Variants in ALDH1L2 observed in about 807,000 individuals in gnomAD.
ALDH1L2 encodes aldehyde dehydrogenase 1 family member L2, also known as mitochondrial 10-formyltetrahydrofolate dehydrogenase.
ALDH1L2 carries 91 observed loss-of-function variants against 111.0 expected under a neutral mutation model. The observed-to-expected ratio is 0.82, with a 90% CI of 0.69 to 0.98. ALDH1L2 has a LOEUF of 0.98. ALDH1L2 is among the 50% of genes least tolerant of loss of function. ALDH1L2 has a pLI of 0.00. For synonymous variants in ALDH1L2, 374 were observed against 392.6 expected (o/e 0.95, Z 0.56); for missense variants, 995 against 1,126.8 (o/e 0.88, Z 1.67).
chr12:105,034,808 A>G (rs752430910), intron 18 of ALDH1L2, among the ~76,000 whole-genome samples: 36 of 152,102 alleles, frequency 2.4e-4, no homozygotes, highest in Admixed American at 6.5e-4. Context: ...ACACAGTGAA[A>G]CCCCATCTCC....
intron 19 of ALDH1L2, among the ~76,000 whole-genome samples, 153 bp from the exon 20 acceptor site, chr12:105,032,087 T>C (rs1300076709): frequency 1.3e-5 from 2 of 151,732 alleles, no homozygotes; most frequent in Non-Finnish European, 2.9e-5. Context: ...TTTTTTTTTT[T>C]TTCCTTTTTG....
rs561348413 is a variant in ALDH1L2, at chr12:105,032,798, C to T, written c.2245-864G>A. Among the ~76,000 whole-genome samples the T allele has an allele frequency of 2.0e-4, 30 of 152,002 alleles. No homozygotes were observed. The South Asian group carries it at 6.2e-3, about 32-fold the overall frequency. ...TGTTTATTAATATCACATACTTACA[C>T]TGTTCATGGCAAGAGAATTTCTAAA... is the stretch of plus-strand genomic sequence containing the variant. On this transcript the variant is annotated intron_variant, in intron 19 of 22. Coordinates refer to ENST00000258494, the MANE Select transcript of ALDH1L2 (RefSeq NM_001034173.4).
At chr12:105,034,841 G>A (rs1040164563) in intron 18 of ALDH1L2, among the ~76,000 whole-genome samples, 2 of 152,032 alleles carry the variant, frequency 1.3e-5, no homozygotes, top group Non-Finnish European at 2.9e-5. Flanking sequence ...AAAATTAGCT[G>A]GGCATGGTGG....
chr12:105,078,189 A>C (rs957914841), intron 1 of ALDH1L2, among the ~76,000 whole-genome samples: 4 of 152,192 alleles, frequency 2.6e-5, no homozygotes, highest in African/African-American at 9.6e-5. Flanking sequence ...AGAAGGCACA[A>C]CTTCTAACTT....
rs1304456760 is a variant in ALDH1L2, at chr12:105,070,713, G to A, written c.285C>T (p.Tyr95=). 1.2e-6 allele frequency: 2 copies of A among 1,614,172 alleles called. No individual in the cohort carries two copies. Among genetic ancestry groups the A allele is most frequent in the Non-Finnish European group, 1.7e-6 (2 of 1,180,030 alleles). Residue 95 remains tyrosine (Y), a synonymous_variant, in exon 3 of 23, where the codon TAC becomes TAT. Transcript: ENST00000258494. ...CATTTAGCTCTGCACCCACGGATCT[G>A]TAGGCTTCTGCCACTTCTTTGATGG... ...GKTIKEVAEA[Y]RSVGAELNVL...
In ALDH1L2 at chr12:105,039,033, G is replaced by GA. The variant is rs137993667; in HGVS notation, c.2045+679dup. 7.4e-3 allele frequency among the ~76,000 whole-genome samples: 1,126 copies of GA among 152,078 alleles called. 13 individuals are homozygous for GA. Among genetic ancestry groups the GA allele is most frequent in the African/African-American group, 0.025 (1,024 of 41,506 alleles). ...TACCTACCCCAAAATGCAAACAGAAGAAAAAAATCACAAAATTCCATTCCA... is the reference window on the plus strand; with the variant it reads ...TACCTACCCCAAAATGCAAACAGAAGAAAAAAAATCACAAAATTCCATTCCA... On this transcript the variant is annotated intron_variant, in intron 17 of 22. Transcript: ENST00000258494.
At chr12:105,055,252 C>T (rs186367096) in intron 10 of ALDH1L2, among the ~76,000 whole-genome samples, 5 of 152,294 alleles carry the variant, frequency 3.3e-5, no homozygotes, top group Admixed American at 3.3e-4. Context: ...CTCACAAATG[C>T]TGGGAGACTT....
rs1308875893 is a variant in ALDH1L2, at chr12:105,050,769, C to T, written c.1536-711G>A. On this transcript the variant is annotated intron_variant, in intron 12 of 22. Transcript: ENST00000258494. ...TAAAGGAAAGAGGCAAGAGCATGTG[C>T]AGGGGAACTGCCCTTTATAAAACCA... 38 of 427,976 alleles carry T rather than the reference C, an allele frequency of 8.9e-5. No homozygotes were observed. In the Admixed American group the frequency reaches 9.8e-4, roughly 11 times the overall value. 26.5% of individuals were successfully genotyped at this position (427,976 alleles called of 1,614,324 possible).
At position 105,021,973 on chromosome 12, in the gene ALDH1L2, T is replaced by G. The variant is rs1465360471; in HGVS notation, c.*2451A>C. 6.6e-6 allele frequency: 1 copy of G among 152,182 alleles called. No homozygotes were observed. Among genetic ancestry groups the G allele is most frequent in the Non-Finnish European group, 1.5e-5 (1 of 68,044 alleles). The allele number at this position is 152,182 out of a possible 1,614,324, so 9.4% of individuals were successfully genotyped here. A position where few individuals can be genotyped will look rare whatever the true frequency, so the allele number is the denominator to read the frequency against. ...TGGGGATGGGGAATTAGAAGGAAAG[T>G]GGAACTGCTTAAAGTGTCCACACCT... On this transcript the variant is annotated 3_prime_UTR_variant, in exon 23 of 23. Coordinates refer to ENST00000258494, the MANE Select transcript of ALDH1L2 (RefSeq NM_001034173.4).
At position 105,046,703 on chromosome 12, in the gene ALDH1L2, G is replaced by A. The variant is rs1875939929; in HGVS notation, c.1863+7C>T. On this transcript the variant is annotated splice_region_variant and intron_variant, in intron 15 of 22. Transcript: ENST00000258494. ...GCAATTCTGCACCTGGCCCTTTGTGGCCTTACCTGTGCTGGCTTGAGCACT... is the reference window on the plus strand; with the variant it reads ...GCAATTCTGCACCTGGCCCTTTGTGACCTTACCTGTGCTGGCTTGAGCACT... 8 of 1,613,046 alleles carry A rather than the reference G, an allele frequency of 5.0e-6. No individual in the cohort carries two copies. The highest frequency in any genetic ancestry group is 1.1e-5 in the South Asian group (1 of 91,038).
At chr12:105,035,833 ATATATATGTGTG>A (rs1382127134) in intron 18 of ALDH1L2, among the ~76,000 whole-genome samples, 12 of 91,676 alleles carry the variant, frequency 1.3e-4, no homozygotes, top group African/African-American at 5.9e-4. Context: ...GTCTATATAT[ATATATATGTGTG>A]TGTGTGTGTG....
intron 3 of ALDH1L2, among the ~76,000 whole-genome samples, chr12:105,070,273 T>A (rs1421429921): frequency 6.6e-6 from 1 of 152,216 alleles, no homozygotes; most frequent in Non-Finnish European, 1.5e-5. Context: ...TATGTCTAGA[T>A]CTCAGGGGAG....
In ALDH1L2 at chr12:105,061,711, G is replaced by C; in HGVS notation, c.963C>G (p.Ile321Met). The change falls in exon 8 of 23, where the codon ATC becomes ATG. Residue 321 changes from isoleucine to methionine, a missense_variant. Physicochemically the swap from Ile to Met is conservative, Grantham distance 10. Transcript: ENST00000258494. ...CCGTTGAAAAGTACTGAGAGGCAGG[G>C]ATCATTTTTCCATCTTCAAACTGCA... ...RNLQFEDGKMIPASQYFSTGE... is the reference protein window; with the variant it reads ...RNLQFEDGKMMPASQYFSTGE... 6.2e-7 allele frequency: 1 copy of C among 1,614,044 alleles called. No individual in the cohort carries two copies. The highest frequency in any genetic ancestry group is 8.5e-7 in the Non-Finnish European group (1 of 1,180,018).
Position 105,024,132 on chromosome 12 carries a change from G to A in ALDH1L2, c.*292C>T. 1 of 497,536 alleles carries A rather than the reference G, an allele frequency of 2.0e-6. No homozygotes were observed. The allele number at this position is 497,536 out of a possible 1,614,324, so 30.8% of individuals were successfully genotyped here. A position where few individuals can be genotyped will look rare whatever the true frequency, so the allele number is the denominator to read the frequency against. On this transcript the variant is annotated 3_prime_UTR_variant, in exon 23 of 23. Coordinates refer to ENST00000258494, the MANE Select transcript of ALDH1L2 (RefSeq NM_001034173.4). ...TGCATGGTACTGACATCTTCAAGAT[G>A]GGAACCATGAATAGATTTGTCTAGG...
rs1874416927 is a variant in ALDH1L2 at position 105,026,542 on chromosome 12, T to C, written c.2716+3A>G. On this transcript the variant is annotated splice_donor_region_variant and intron_variant, in intron 22 of 22. Coordinates refer to ENST00000258494, the MANE Select transcript of ALDH1L2 (RefSeq NM_001034173.4). ...AAGGTGAAGCAGAAAAGTAAAGCCA[T>C]ACCTAAGTCTTTTCCAAAGCCAGAT... is the stretch of plus-strand genomic sequence containing the variant. 6.2e-7 allele frequency: 1 copy of C among 1,614,008 alleles called. No homozygotes were observed. Among genetic ancestry groups the C allele is most frequent in the South Asian group, 1.1e-5 (1 of 91,074 alleles).
intron 11 of ALDH1L2, 29 bp from the exon 12 acceptor site, chr12:105,052,246 C>T (rs749945138): frequency 2.6e-6 from 4 of 1,541,106 alleles, no homozygotes; most frequent in Non-Finnish European, 3.5e-6. Flanking sequence ...AAATAGGCCC[C>T]ATGAGAGATA....
intron 15 of ALDH1L2, among the ~76,000 whole-genome samples, chr12:105,046,207 ATATATATATATATATT>A (rs1875871718): frequency 2.1e-5 from 1 of 46,632 alleles, no homozygotes; most frequent in Non-Finnish European, 3.7e-5. Context: ...ATATATATAT[ATATATATATATATATT>A]TTTTTTTTTT....
chr12:105,046,149 T>TCTCTC (rs1875834536), intron 15 of ALDH1L2, among the ~76,000 whole-genome samples: 1 of 36,004 alleles, frequency 2.8e-5, no homozygotes, highest in Non-Finnish European at 4.8e-5. Flanking sequence ...CTTCTACATC[T>TCTCTC]TCTCTCTCTC....
rs1332597753 is a variant in ALDH1L2 at position 105,052,213 on chromosome 12, A to G, written c.1412T>C (p.Ile471Thr). 4 of 1,601,108 alleles carry G rather than the reference A, an allele frequency of 2.5e-6. No individual in the cohort carries two copies. The highest frequency in any genetic ancestry group is 3.4e-6 in the Non-Finnish European group (4 of 1,175,438). Residue 471 changes from isoleucine (I) to threonine (T), a missense_variant, in exon 12 of 23, where the codon ATA becomes ACA. Coordinates refer to ENST00000258494, the MANE Select transcript of ALDH1L2 (RefSeq NM_001034173.4). ...CAAAGAAGCGTAGGATACTTTGCATATTGTCTATTTCAAGGTAAGTAAAAA... is the reference window on the plus strand; with the variant it reads ...CAAAGAAGCGTAGGATACTTTGCATGTTGTCTATTTCAAGGTAAGTAAAAA... ...DTINPTDGSTICKVSYASLAD... is the reference protein window; with the variant it reads ...DTINPTDGSTTCKVSYASLAD...
Sources: gnomAD v4.1 joint callset for allele counts (sites outside exome capture counted in the v4.1 genomes callset) on GRCh38, gnomAD v4.1.1 for gene constraint, MANE v1.5 for transcripts, NCBI Gene and HGNC (gene_info 2026-07-23, HGNC 2026-07-21) for gene names.